CDON: variants seen among roughly 807,000 people sequenced by gnomAD.
CDON encodes the protein cell adhesion associated, oncogene regulated.
CDON carries 73 observed loss-of-function variants against 120.9 expected under a neutral mutation model. The observed-to-expected ratio is 0.60, with a 90% CI of 0.50 to 0.73. CDON has a LOEUF of 0.73. CDON is among the 30% of genes least tolerant of loss of function. The pLI, the probability that CDON is intolerant of heterozygous loss-of-function variation, is 0.00. For synonymous variants in CDON, 566 were observed against 573.5 expected (o/e 0.99, Z 0.19); for missense variants, 1,470 against 1,587.3 (o/e 0.93, Z 1.26).
chr11:125,996,594 G>A (rs35916118), intron 12 of CDON, among the ~76,000 whole-genome samples: 37,511 of 150,772 alleles, frequency 0.25, 4,966 homozygotes, highest in East Asian at 0.48. Flanking sequence ...CAGCTACTCG[G>A]GAGGCTGAGG....
In CDON at chr11:125,958,561, A is replaced by ATGTGTGTGTGTGTG. The variant is rs886047954; in HGVS notation, c.*2380_*2381insCACACACACACACA. On this transcript the variant is annotated 3_prime_UTR_variant, in exon 20 of 20. Transcript: ENST00000531738. ...TATAAAGGCAATTATATATATATAT[A>ATGTGTGTGTGTGTG]TATATGTGTGTGTGTGTGTGTGTGT... The ATGTGTGTGTGTGTG allele has an allele frequency of 1.0e-3, 80 of 77,196 alleles. 1 individual carries two copies. The highest frequency in any genetic ancestry group is 8.7e-3 in the Admixed American group (61 of 7,024). 4.8% of individuals were successfully genotyped at this position (77,196 alleles called of 1,614,324 possible).
chr11:126,036,018 TCA>T (rs1948085977), intron 1 of CDON, among the ~76,000 whole-genome samples: 1 of 152,070 alleles, frequency 6.6e-6, no homozygotes. Context: ...AAGAAATAAT[TCA>T]CAGACACTGA....
rs111751211 is a variant in CDON, at chr11:126,002,897, G to A, written c.2026+1005C>T. On this transcript the variant is annotated intron_variant, in intron 10 of 19. Coordinates refer to ENST00000531738, the MANE Select transcript of CDON (RefSeq NM_001378964.1). Reference sequence around the variant, plus strand: ...TTGCTCCCATCACAGCAGCCCCATCGTGTTCCTAGTGAACACCATGTACAC... The same window carrying A: ...TTGCTCCCATCACAGCAGCCCCATCATGTTCCTAGTGAACACCATGTACAC... Among the ~76,000 whole-genome samples, 579 of 152,256 alleles carry A rather than the reference G, an allele frequency of 3.8e-3. 6 individuals are homozygous for A. The highest frequency in any genetic ancestry group is 9.4e-3 in the African/African-American group (390 of 41,538).
chr11:126,017,211 T>C lies in CDON; in HGVS notation c.805A>G (p.Arg269Gly). 3.7e-6 allele frequency: 6 copies of C among 1,614,134 alleles called. No homozygotes were observed. Among genetic ancestry groups the C allele is most frequent in the Non-Finnish European group, 5.1e-6 (6 of 1,180,016 alleles). The change falls in exon 6 of 20, where the codon AGA (arginine) becomes GGA (glycine). Residue 269 changes from arginine (R) to glycine (G), a missense_variant. Physicochemically the swap from Arg to Gly is moderately radical, Grantham distance 125. Transcript: ENST00000531738. Reference protein sequence around the residue: ...GQDIAPGSNWRRLYSHLATDS... With the variant: ...GQDIAPGSNWGRLYSHLATDS... ...GTGGCAAGATGAGAATACAACCTTC[T>C]CCAGTTGCTTCCTGGTGCAATGTCC...
chr11:125,965,932 C>T (rs1367567183), intron 18 of CDON, among the ~76,000 whole-genome samples: 2 of 152,082 alleles, frequency 1.3e-5, no homozygotes, highest in African/African-American at 2.4e-5. Context: ...GTCGGGAGTT[C>T]GAGACAAGCC....
At chr11:126,004,364 G>A (rs1947053867) in intron 9 of CDON, 1 of 424,508 alleles carries the variant, frequency 2.4e-6, no homozygotes. Context: ...TCCTTTACTT[G>A]TAATGGAAAC....
rs1301029039 is a variant in CDON at position 125,957,970 on chromosome 11, A to C, written c.*2972T>G. ...GAAGGAACATGAATAGGCTTGACCA[A>C]TTTCGTGATCACTGAGCACAGTAAA... On this transcript the variant is annotated 3_prime_UTR_variant, in exon 20 of 20. Coordinates refer to ENST00000531738, the MANE Select transcript of CDON (RefSeq NM_001378964.1). 1.3e-5 allele frequency: 2 copies of C among 152,222 alleles called. No individual in the cohort carries two copies. Among genetic ancestry groups the C allele is most frequent in the Non-Finnish European group, 2.9e-5 (2 of 68,044 alleles). The allele number at this position is 152,222 out of a possible 1,614,324, so 9.4% of individuals were successfully genotyped here. A position where few individuals can be genotyped will look rare whatever the true frequency, so the allele number is the denominator to read the frequency against.
intron 18 of CDON, among the ~76,000 whole-genome samples, chr11:125,968,592 C>G (rs2134372487): frequency 6.6e-6 from 1 of 152,346 alleles, no homozygotes; most frequent in Middle Eastern, 3.4e-3. Context: ...CTATTACCTA[C>G]TCTTTAGCAT....
intron 1 of CDON, among the ~76,000 whole-genome samples, chr11:126,040,117 G>C: frequency 6.6e-6 from 1 of 152,134 alleles, no homozygotes; most frequent in East Asian, 1.9e-4. Context: ...AAAAGAGCTA[G>C]ACTAGCTTAC....
At chr11:125,999,205 A>G (rs1946869653) in intron 11 of CDON, among the ~76,000 whole-genome samples, 1 of 152,246 alleles carries the variant, frequency 6.6e-6, no homozygotes, top group Admixed American at 6.5e-5. Context: ...TAGAAAAACC[A>G]AACAACTTCC....
chr11:125,967,240 G>T (rs953821764), intron 18 of CDON, among the ~76,000 whole-genome samples: 1 of 152,162 alleles, frequency 6.6e-6, no homozygotes. Flanking sequence ...CTGGAAAGTC[G>T]TAAAAGTCCT....
chr11:126,040,651 T>C (rs942485779), intron 1 of CDON, among the ~76,000 whole-genome samples: 3 of 149,246 alleles, frequency 2.0e-5, no homozygotes, highest in African/African-American at 4.9e-5. Context: ...CCGTCTCTAC[T>C]AAAAATACAA....
rs147808410 is a variant in CDON, at chr11:125,960,573, C to T, written c.*369G>A. 1.1e-4 allele frequency: 27 copies of T among 244,874 alleles called. 1 individual carries two copies. The East Asian group carries it at 1.1e-3, about 10-fold the overall frequency. The allele number at this position is 244,874 out of a possible 1,614,324, so 15.2% of individuals were successfully genotyped here. Reference sequence around the variant, plus strand: ...AAACCCAGCTGGTGGCAACCTTCAACGGGCCCCTGCATTCCCTCCTAGCCG... The same window carrying T: ...AAACCCAGCTGGTGGCAACCTTCAATGGGCCCCTGCATTCCCTCCTAGCCG... On this transcript the variant is annotated 3_prime_UTR_variant, in exon 20 of 20. Transcript: ENST00000531738.
intron 18 of CDON, among the ~76,000 whole-genome samples, chr11:125,966,109 C>G (rs1945791303): frequency 6.6e-6 from 1 of 151,004 alleles, no homozygotes; most frequent in Non-Finnish European, 1.5e-5. Context: ...TGCACGCCAG[C>G]CTGGGCAAGA....
intron 18 of CDON, among the ~76,000 whole-genome samples, chr11:125,971,869 A>G (rs1311668282): frequency 6.6e-6 from 1 of 152,222 alleles, no homozygotes; most frequent in African/African-American, 2.4e-5. Flanking sequence ...ATCCCTTTCC[A>G]TTAAACTAGC....
intron 18 of CDON, among the ~76,000 whole-genome samples, chr11:125,970,182 T>TTG (rs1555114299): frequency 3.9e-4 from 57 of 147,046 alleles, no homozygotes; most frequent in East Asian, 8.0e-4. Flanking sequence ...GTTTTTTTTT[T>TTG]TTTTTTTTTT....
At chr11:126,009,922 A>G (rs1452696828) in intron 8 of CDON, among the ~76,000 whole-genome samples, 4 of 152,226 alleles carry the variant, frequency 2.6e-5, no homozygotes, top group African/African-American at 9.6e-5. Flanking sequence ...GACACAGGGA[A>G]TATATACATA....
intron 11 of CDON, among the ~76,000 whole-genome samples, chr11:125,999,694 A>G (rs1489422026): frequency 1.3e-5 from 2 of 152,050 alleles, no homozygotes; most frequent in Admixed American, 6.6e-5. Context: ...TGTGGACTCC[A>G]TTCCCTTAAT....
intron 18 of CDON, among the ~76,000 whole-genome samples, chr11:125,973,815 G>C (rs967182410): frequency 6.6e-6 from 1 of 152,120 alleles, no homozygotes; most frequent in African/African-American, 2.4e-5. Flanking sequence ...TGCTTACAGA[G>C]GGCTTTCCTC....
Sources: gnomAD v4.1 joint callset for allele counts (sites outside exome capture counted in the v4.1 genomes callset) on GRCh38, gnomAD v4.1.1 for gene constraint, MANE v1.5 for transcripts, NCBI Gene and HGNC (gene_info 2026-07-23, HGNC 2026-07-21) for gene names.